Variants in DPY19L3 observed in about 807,000 individuals in gnomAD.
DPY19L3 encodes protein C-mannosyl-transferase DPY19L3.
A neutral mutation model predicts 92.3 loss-of-function variants in DPY19L3; 51 were observed. The ratio of observed to expected loss-of-function variants is 0.55; its 90% CI spans 0.44 to 0.70. The LOEUF (loss-of-function observed/expected upper bound fraction) is 0.70, where lower values mean the gene tolerates loss of function less well. Ranked by LOEUF, DPY19L3 falls within the 30% of genes least tolerant of loss-of-function variation. The pLI is 0.00. For missense variants in DPY19L3, 706 were observed against 855.9 expected, an observed-to-expected ratio of 0.82 and a Z score of 2.18; for synonymous variants, 309 against 315.2, an observed-to-expected ratio of 0.98 and a Z score of 0.21.
chr19:32,411,771 T>C (rs1310821628), intron 3 of DPY19L3: 2 of 194,240 alleles, frequency 1.0e-5, no homozygotes, highest in African/African-American at 4.6e-5. Flanking sequence ...TTTCAGCATA[T>C]TGACCAGGCT....
chr19:32,480,562 G>A lies in DPY19L3; in HGVS notation c.1989+5G>A, dbSNP rs760753856. ...CTGGACATTGCCAACGGCCACGTGAGCATGCTGCCTCTCCCTGTGTGGGGG... is the reference window on the plus strand; with the variant it reads ...CTGGACATTGCCAACGGCCACGTGAACATGCTGCCTCTCCCTGTGTGGGGG... On this transcript the variant is annotated splice_donor_5th_base_variant and intron_variant, in intron 18 of 18. Coordinates refer to ENST00000392250, the MANE Select transcript of DPY19L3 (RefSeq NM_001172774.2). 2.0e-5 allele frequency: 32 copies of A among 1,610,580 alleles called. No homozygotes were observed. Among genetic ancestry groups the A allele is most frequent in the Non-Finnish European group, 2.7e-5 (32 of 1,178,462 alleles).
intron 2 of DPY19L3, among the ~76,000 whole-genome samples, chr19:32,410,848 A>G (rs752860397): frequency 7.9e-5 from 12 of 152,354 alleles, no homozygotes; most frequent in East Asian, 3.9e-4. Context: ...TAAGCCACCA[A>G]TTGTACCTAG....
At chr19:32,416,510 A>C (rs1302147600) in intron 3 of DPY19L3, among the ~76,000 whole-genome samples, 2 of 152,208 alleles carry the variant, frequency 1.3e-5, no homozygotes, top group Non-Finnish European at 2.9e-5. Flanking sequence ...GCTGGCTACA[A>C]ATTCTGAGGT....
At chr19:32,423,920 G>A (rs1480442762) in intron 3 of DPY19L3, among the ~76,000 whole-genome samples, 2 of 152,016 alleles carry the variant, frequency 1.3e-5, no homozygotes, top group East Asian at 3.9e-4. Flanking sequence ...GACTGAGGTA[G>A]GAGGATCACT....
chr19:32,427,838 C>T (rs2145456153), intron 3 of DPY19L3, among the ~76,000 whole-genome samples: 1 of 152,130 alleles, frequency 6.6e-6, no homozygotes, highest in Non-Finnish European at 1.5e-5. Context: ...GTCTTATGGG[C>T]TACTATTTCT....
chr19:32,458,074 A>G, intron 10 of DPY19L3, 26 bp from the exon 11 acceptor site: 1 of 1,587,518 alleles, frequency 6.3e-7, no homozygotes, highest in Non-Finnish European at 8.6e-7. Flanking sequence ...ACTAATAGCA[A>G]TTTTTGTTTT....
At chr19:32,446,147 A>G (rs1268936626) in intron 8 of DPY19L3, among the ~76,000 whole-genome samples, 5 of 152,240 alleles carry the variant, frequency 3.3e-5, no homozygotes, top group Non-Finnish European at 7.3e-5. Flanking sequence ...GCCTCACTCA[A>G]ACAGTTAAAA....
At chr19:32,444,598 A>G (rs906349634) in intron 8 of DPY19L3, among the ~76,000 whole-genome samples, 11 of 152,230 alleles carry the variant, frequency 7.2e-5, no homozygotes, top group African/African-American at 2.7e-4. Flanking sequence ...AAATTTGGCA[A>G]AAGCTATAAA....
intron 16 of DPY19L3, among the ~76,000 whole-genome samples, chr19:32,474,797 C>T (rs1970457697): frequency 6.6e-6 from 1 of 152,098 alleles, no homozygotes. Flanking sequence ...ACCATATTGG[C>T]CAGGCTGGTC....
chr19:32,457,200 A>G (rs867197954), intron 10 of DPY19L3, among the ~76,000 whole-genome samples: 17 of 152,344 alleles, frequency 1.1e-4, no homozygotes, highest in Middle Eastern at 3.4e-3. Context: ...ATGTTTTGCC[A>G]GTGACCTACA....
intron 8 of DPY19L3, among the ~76,000 whole-genome samples, chr19:32,449,387 C>T (rs964233294): frequency 6.6e-6 from 1 of 152,110 alleles, no homozygotes; most frequent in Non-Finnish European, 1.5e-5. Flanking sequence ...CTCTCAGAAT[C>T]CCAGGAGGAG....
At chr19:32,438,921 C>G (rs1480520236) in intron 6 of DPY19L3, 191 bp from the exon 7 acceptor site, 1 of 645,176 alleles carries the variant, frequency 1.5e-6, no homozygotes, top group Non-Finnish European at 2.6e-6. Flanking sequence ...TAAATGTTCT[C>G]TATGCCAATT....
chr19:32,435,258 A>G (rs900031805), intron 4 of DPY19L3, among the ~76,000 whole-genome samples: 15 of 152,058 alleles, frequency 9.9e-5, no homozygotes, highest in Admixed American at 5.2e-4. Context: ...CTTACCCTTT[A>G]TTACCTCCTG....
At chr19:32,449,248 C>T (rs1255690228) in intron 8 of DPY19L3, among the ~76,000 whole-genome samples, 3 of 152,158 alleles carry the variant, frequency 2.0e-5, no homozygotes, top group African/African-American at 7.2e-5. Flanking sequence ...CTTTACAAAA[C>T]ACCACAAAGC....
At chr19:32,411,179 A>C in intron 2 of DPY19L3, 60 bp from the exon 3 acceptor site, 3 of 1,526,066 alleles carry the variant, frequency 2.0e-6, no homozygotes, top group Non-Finnish European at 2.7e-6. Context: ...CTGAAGTAGA[A>C]CTATTACATT....
At chr19:32,436,690 A>T (rs1170101010) in intron 5 of DPY19L3, 123 bp downstream of exon 5, 16 of 910,302 alleles carry the variant, frequency 1.8e-5, no homozygotes, top group Admixed American at 2.9e-5. Flanking sequence ...CAGCAATACT[A>T]TATTTTTTTT....
chr19:32,414,231 T>A (rs573322916), intron 3 of DPY19L3, among the ~76,000 whole-genome samples: 1 of 151,998 alleles, frequency 6.6e-6, no homozygotes, highest in East Asian at 1.9e-4. Context: ...CCATCCTGGC[T>A]AACACGGTGA....
intron 3 of DPY19L3, among the ~76,000 whole-genome samples, chr19:32,414,922 C>G (rs7251691): frequency 0.012 from 1,783 of 152,204 alleles, 42 homozygotes; most frequent in African/African-American, 0.039. Flanking sequence ...CTAGTTTTAC[C>G]TAGTATTTAC....
intron 12 of DPY19L3, among the ~76,000 whole-genome samples, chr19:32,461,215 C>A (rs956762248): frequency 6.6e-6 from 1 of 151,320 alleles, no homozygotes; most frequent in African/African-American, 2.4e-5. Flanking sequence ...AGGGGTACAT[C>A]TGAAAGGGGC....
Sources: allele counts gnomAD v4.1 joint callset (sites outside exome capture counted in the v4.1 genomes callset), GRCh38; gene constraint gnomAD v4.1.1; transcripts MANE v1.5; gene names NCBI Gene and HGNC (gene_info 2026-07-23, HGNC 2026-07-21).